The following NAALADL2 variants were observed in gnomAD, a reference collection of about 807,000 sequenced individuals.
NAALADL2 encodes the protein inactive N-acetylated-alpha-linked acidic dipeptidase-like protein 2.
A neutral mutation model predicts 87.2 loss-of-function variants in NAALADL2; 76 were observed. The ratio of observed to expected loss-of-function variants is 0.87; its 90% CI spans 0.72 to 1.05. The LOEUF (loss-of-function observed/expected upper bound fraction) is 1.05. NAALADL2 is among the 50% of genes least tolerant of loss of function. The pLI is 0.00. For missense variants in NAALADL2, 1,089 were observed against 945.8 expected (o/e 1.15, Z -1.99); for synonymous variants, 354 against 331.0 (o/e 1.07, Z -0.75).
At chr3:174,747,678 G>C (rs923296923) in intron 3 of NAALADL2, among the ~76,000 whole-genome samples, 1 of 149,360 alleles carries the variant, frequency 6.7e-6, no homozygotes, top group East Asian at 2.0e-4. Context: ...TGGTAAGGCT[G>C]TGGATAAATA....
At chr3:175,642,225 A>C (rs1386913270) in intron 11 of NAALADL2, among the ~76,000 whole-genome samples, 1 of 152,136 alleles carries the variant, frequency 6.6e-6, no homozygotes, top group Non-Finnish European at 1.5e-5. Context: ...AGGTTTTCCC[A>C]TTTTTAATTT....
In NAALADL2 at chr3:174,695,469, C is replaced by G. The variant is rs75216660; in HGVS notation, c.-114-42172C>G. 7.2e-3 allele frequency among the ~76,000 whole-genome samples: 1,100 copies of G among 152,032 alleles called. 8 individuals are homozygous for G. The highest frequency in any genetic ancestry group is 0.013 in the Non-Finnish European group (849 of 67,870). ...TGCTTTCTGTTGTCCTTTTGAGTCT[C>G]TCTCTCTGCCCAATATGACACAAAA... On this transcript the variant is annotated intron_variant, in intron 2 of 3. Transcript: ENST00000434257.
intron 1 of NAALADL2, among the ~76,000 whole-genome samples, chr3:174,549,643 C>T (rs2108487677): frequency 6.6e-6 from 1 of 152,250 alleles, no homozygotes; most frequent in Non-Finnish European, 1.5e-5. Flanking sequence ...TCTGAAAGTT[C>T]AGTAATGATG....
At chr3:175,198,900 G>A (rs1464722817) in intron 2 of NAALADL2, among the ~76,000 whole-genome samples, 3 of 151,770 alleles carry the variant, frequency 2.0e-5, no homozygotes, top group African/African-American at 7.3e-5. Context: ...CATACCTTAG[G>A]CAAACTGATT....
chr3:174,799,056 G>A (rs1390285941), intron 3 of NAALADL2, among the ~76,000 whole-genome samples: 1 of 151,828 alleles, frequency 6.6e-6, no homozygotes, highest in Admixed American at 6.6e-5. Context: ...TGTAATCTCA[G>A]TTATTTGTGA....
chr3:174,637,664 A>G (rs1722780864), intron 2 of NAALADL2, among the ~76,000 whole-genome samples: 1 of 152,136 alleles, frequency 6.6e-6, no homozygotes, highest in Admixed American at 6.5e-5. Context: ...ATTGAACATT[A>G]TGCAAGTTTT....
chr3:175,619,050 A>G (rs1343564543), intron 10 of NAALADL2, among the ~76,000 whole-genome samples: 4 of 152,102 alleles, frequency 2.6e-5, no homozygotes, highest in African/African-American at 9.7e-5. Flanking sequence ...AATCTGGGAC[A>G]AAAAGGCGCC....
intron 9 of NAALADL2, among the ~76,000 whole-genome samples, chr3:175,519,847 C>T (rs1450923612): frequency 1.3e-5 from 2 of 152,274 alleles, no homozygotes; most frequent in East Asian, 1.9e-4. Flanking sequence ...CATATCTTTT[C>T]TATTATCTCT....
At chr3:174,601,845 G>C (rs1197566132) in intron 2 of NAALADL2, among the ~76,000 whole-genome samples, 1 of 152,134 alleles carries the variant, frequency 6.6e-6, no homozygotes, top group Admixed American at 6.6e-5. Context: ...CATGGGTCTA[G>C]TTTCGTTCTT....
intron 5 of NAALADL2, among the ~76,000 whole-genome samples, chr3:175,387,670 A>G (rs1057027597): frequency 2.0e-5 from 3 of 152,128 alleles, no homozygotes; most frequent in African/African-American, 7.2e-5. Flanking sequence ...TGTTGAATAT[A>G]CTAAAAGAAT....
At chr3:175,166,611 G>A (rs776837242) in intron 2 of NAALADL2, among the ~76,000 whole-genome samples, 1 of 151,446 alleles carries the variant, frequency 6.6e-6, no homozygotes, top group Non-Finnish European at 1.5e-5. Context: ...AGACTTTGCT[G>A]ACATCATATC....
At chr3:175,379,134 C>G (rs1399672116) in intron 5 of NAALADL2, among the ~76,000 whole-genome samples, 1 of 151,598 alleles carries the variant, frequency 6.6e-6, no homozygotes, top group Non-Finnish European at 1.5e-5. Flanking sequence ...AATTTTGGAC[C>G]CACTGGTTAA....
chr3:175,165,560 G>T (rs993619037), intron 2 of NAALADL2, among the ~76,000 whole-genome samples: 1 of 152,086 alleles, frequency 6.6e-6, no homozygotes, highest in African/African-American at 2.4e-5. Context: ...AAAATATAAT[G>T]GTGGTAAGAC....
intron 11 of NAALADL2, among the ~76,000 whole-genome samples, chr3:175,631,420 A>G (rs886711222): frequency 6.6e-6 from 1 of 151,362 alleles, no homozygotes; most frequent in African/African-American, 2.4e-5. Flanking sequence ...TGAGTCCTTG[A>G]AAGTAGCTTT....
chr3:175,685,367 G>T (rs1736127985), intron 11 of NAALADL2, among the ~76,000 whole-genome samples: 1 of 151,766 alleles, frequency 6.6e-6, no homozygotes, highest in Non-Finnish European at 1.5e-5. Flanking sequence ...AATGAGAAAT[G>T]GTTCTTAACT....
rs1721867714 is a variant in NAALADL2 at position 174,629,074 on chromosome 3, C to A, written c.-115+78437C>A. 1.3e-5 allele frequency among the ~76,000 whole-genome samples: 2 copies of A among 152,130 alleles called. 1 individual carries two copies. On this transcript the variant is annotated intron_variant, in intron 2 of 3. Transcript: ENST00000434257. ...ATTAAATGAAACCCTCAAAAGTCAG[C>A]CTTCTATAGTGAATCACTAGTGACA...
At chr3:175,213,056 T>C (rs1742002543) in intron 2 of NAALADL2, among the ~76,000 whole-genome samples, 3 of 152,172 alleles carry the variant, frequency 2.0e-5, no homozygotes, top group Admixed American at 1.3e-4. Flanking sequence ...TGAGTGCTTA[T>C]GCTTATTGCT....
chr3:175,477,077 C>T (rs1725797548), intron 9 of NAALADL2, among the ~76,000 whole-genome samples: 1 of 151,882 alleles, frequency 6.6e-6, no homozygotes, highest in African/African-American at 2.4e-5. Flanking sequence ...GAGAAAAGGC[C>T]CACATCATCT....
At chr3:175,517,455 C>T (rs1732007889) in intron 9 of NAALADL2, among the ~76,000 whole-genome samples, 1 of 151,972 alleles carries the variant, frequency 6.6e-6, no homozygotes, top group Admixed American at 6.6e-5. Context: ...AAGAATATTA[C>T]AGAATTAAAA....
Sources: allele counts gnomAD v4.1 joint callset (sites outside exome capture counted in the v4.1 genomes callset), GRCh38; gene constraint gnomAD v4.1.1; transcripts MANE v1.5; gene names NCBI Gene and HGNC (gene_info 2026-07-23, HGNC 2026-07-21).